NUGGC: variants seen among roughly 807,000 people sequenced by gnomAD.
NUGGC encodes the protein nuclear GTPase, germinal center associated, also known as nuclear GTPase SLIP-GC.
Under a neutral mutation model 92.6 loss-of-function variants are expected in NUGGC, and 58 were observed. The observed-to-expected ratio is 0.63, with a 90% CI of 0.51 to 0.78. The LOEUF (loss-of-function observed/expected upper bound fraction) is 0.78. NUGGC is among the 30% of genes least tolerant of loss of function. The probability of loss-of-function intolerance (pLI) is 0.00; values close to 1 mark genes in which losing one functional copy is unlikely to be tolerated. For synonymous variants in NUGGC, 376 were observed against 366.4 expected, an observed-to-expected ratio of 1.03 and a Z score of -0.30; for missense variants, 925 against 964.6, an observed-to-expected ratio of 0.96 and a Z score of 0.54.
intron 16 of NUGGC, 59 bp downstream of exon 16, chr8:28,030,251 G>A (rs1003058391): frequency 3.1e-5 from 29 of 942,530 alleles, no homozygotes; most frequent in Admixed American, 1.0e-4. Flanking sequence ...AAAAGGATGC[G>A]AAAGATGCTG....
At chr8:28,065,712 C>A (rs1319035294) in intron 6 of NUGGC, among the ~76,000 whole-genome samples, 1 of 152,012 alleles carries the variant, frequency 6.6e-6, no homozygotes, top group Non-Finnish European at 1.5e-5. Context: ...AAATAAATTT[C>A]TATAAAATAG....
intron 7 of NUGGC, among the ~76,000 whole-genome samples, chr8:28,062,616 C>CAAACA (rs1211720715): frequency 8.5e-5 from 13 of 152,120 alleles, no homozygotes; most frequent in African/African-American, 4.8e-5. Flanking sequence ...GATGCTGTAG[C>CAAACA]AAACAAAACA....
intron 15 of NUGGC, among the ~76,000 whole-genome samples, chr8:28,030,904 T>C (rs1809401330): frequency 6.6e-6 from 1 of 152,194 alleles, no homozygotes; most frequent in Non-Finnish European, 1.5e-5. Flanking sequence ...TTGGCAAAAA[T>C]GATAGGTTAG....
intron 7 of NUGGC, among the ~76,000 whole-genome samples, chr8:28,062,162 A>G (rs1315559695): frequency 2.0e-5 from 3 of 152,182 alleles, no homozygotes; most frequent in Non-Finnish European, 4.4e-5. Flanking sequence ...AACCCCTTGG[A>G]TTATAGGGAA....
intron 2 of NUGGC, among the ~76,000 whole-genome samples, chr8:28,074,145 C>T (rs1217086569): frequency 2.6e-5 from 4 of 151,184 alleles, no homozygotes; most frequent in African/African-American, 4.9e-5. Flanking sequence ...ACTTATTTAA[C>T]TGCTGGCCAA....
chr8:28,067,099 G>A (rs921821137), intron 6 of NUGGC, among the ~76,000 whole-genome samples: 4 of 152,134 alleles, frequency 2.6e-5, no homozygotes, highest in African/African-American at 4.8e-5. Context: ...TGGGGGCGAC[G>A]GAAGGCAAAG....
At chr8:28,080,204 A>T (rs1366040708) in intron 1 of NUGGC, among the ~76,000 whole-genome samples, 16 of 152,056 alleles carry the variant, frequency 1.1e-4, no homozygotes, top group Admixed American at 1.0e-3. Flanking sequence ...GGCCTCCCAA[A>T]GTGCTGGGAT....
chr8:28,075,298 G>A (rs918665759), intron 1 of NUGGC, among the ~76,000 whole-genome samples: 24 of 152,280 alleles, frequency 1.6e-4, no homozygotes, highest in African/African-American at 5.8e-4. Flanking sequence ...CTTGCAGCTT[G>A]CAGCATGGAG....
rs1420949821 is a variant in NUGGC, at chr8:28,034,679, T to G, written c.1612-982A>C. On this transcript the variant is annotated intron_variant, in intron 13 of 18. Transcript: ENST00000413272. ...TAAAAATACAAAAATTAGCCAGGCA[T>G]GGTGGCACATGCCTGTAATCCCAGC... 3.9e-5 allele frequency among the ~76,000 whole-genome samples: 6 copies of G among 152,112 alleles called. No individual in the cohort carries two copies. The East Asian group carries it at 1.2e-3, about 29-fold the overall frequency.
In NUGGC at chr8:28,045,567, A is replaced by G. The variant is rs748269606; in HGVS notation, c.1406T>C (p.Leu469Ser). 2 of 1,612,912 alleles carry G rather than the reference A, an allele frequency of 1.2e-6. No homozygotes were observed. Among genetic ancestry groups the G allele is most frequent in the Non-Finnish European group, 1.7e-6 (2 of 1,179,780 alleles). ...TKYVTEAFGL[L>S]LLTDSFNSTQ... ...GGAGTTGAAACTATCTGTGAGGAGC[A>G]ACAGGCCAAAGGCTTCAGTCACATA... Residue 469 changes from leucine to serine, a missense_variant, in exon 12 of 19, where the codon TTG becomes TCG. By Grantham distance (145) the Leu-to-Ser change is moderately radical. Coordinates refer to ENST00000413272, the MANE Select transcript of NUGGC (RefSeq NM_001010906.2).
intron 2 of NUGGC, 39 bp downstream of exon 2, chr8:28,074,329 T>A: frequency 7.1e-7 from 1 of 1,399,140 alleles, no homozygotes; most frequent in African/African-American, 1.4e-5. Flanking sequence ...AGTAATCAGT[T>A]CCTATATCCT....
intron 7 of NUGGC, among the ~76,000 whole-genome samples, chr8:28,063,559 G>A (rs1242187484): frequency 2.0e-5 from 3 of 152,182 alleles, no homozygotes; most frequent in Non-Finnish European, 2.9e-5. Flanking sequence ...AATATAGAGC[G>A]TGCCCTGGGG....
At chr8:28,026,919 T>G in intron 18 of NUGGC, 43 bp downstream of exon 18, 2 of 1,317,616 alleles carry the variant, frequency 1.5e-6, no homozygotes, top group Non-Finnish European at 2.2e-6. Context: ...CAGCCAGGGC[T>G]GTCTGCACAA....
At chr8:28,050,193 C>A (rs1197688389) in intron 10 of NUGGC, among the ~76,000 whole-genome samples, 31 of 151,844 alleles carry the variant, frequency 2.0e-4, no homozygotes, top group Admixed American at 2.0e-3. Context: ...TGAGACCAGC[C>A]TGATCAACAT....
At chr8:28,068,660 C>T (rs766848328) in intron 4 of NUGGC, among the ~76,000 whole-genome samples, 2 of 152,250 alleles carry the variant, frequency 1.3e-5, no homozygotes, top group African/African-American at 2.4e-5. Flanking sequence ...AATGATAATT[C>T]CACACAATCC....
intron 10 of NUGGC, among the ~76,000 whole-genome samples, chr8:28,053,560 G>T (rs139751019): frequency 2.0e-5 from 3 of 152,302 alleles, no homozygotes; most frequent in African/African-American, 7.2e-5. Flanking sequence ...GAAATAAAGT[G>T]GTTGGAGAAT....
At chr8:28,041,334 ACTTCT>A in intron 12 of NUGGC, 119 bp from the exon 13 acceptor site, 1 of 997,938 alleles carries the variant, frequency 1.0e-6, no homozygotes, top group South Asian at 1.6e-5. Flanking sequence ...CTCAGAGCTG[ACTTCT>A]CTTTATTGTC....
chr8:28,082,914 C>T (rs897803753), intron 1 of NUGGC, among the ~76,000 whole-genome samples: 1 of 152,092 alleles, frequency 6.6e-6, no homozygotes, highest in Non-Finnish European at 1.5e-5. Context: ...AACAAACAAA[C>T]CAAACCCCCA....
intron 7 of NUGGC, among the ~76,000 whole-genome samples, chr8:28,063,302 A>T (rs1386263450): frequency 1.3e-5 from 2 of 152,210 alleles, no homozygotes; most frequent in Non-Finnish European, 2.9e-5. Context: ...TTTCTGAGCC[A>T]GATCTGCCGT....
Sources: gnomAD v4.1 joint callset for allele counts (sites outside exome capture counted in the v4.1 genomes callset) on GRCh38, gnomAD v4.1.1 for gene constraint, MANE v1.5 for transcripts, NCBI Gene and HGNC (gene_info 2026-07-23, HGNC 2026-07-21) for gene names.